Variants in PHACTR4 observed in about 807,000 individuals in gnomAD.
The protein encoded by PHACTR4 is protein phosphatase 1, regulatory subunit 124.
PHACTR4 carries 51 observed loss-of-function variants against 72.7 expected under a neutral mutation model. That is an observed-to-expected ratio of 0.70 (90% confidence interval 0.56 to 0.89). The LOEUF (loss-of-function observed/expected upper bound fraction) is 0.89. Ranked by LOEUF, PHACTR4 falls within the 40% of genes least tolerant of loss-of-function variation. The pLI is 0.00. For synonymous variants in PHACTR4, 255 were observed against 302.5 expected, an observed-to-expected ratio of 0.84 and a Z score of 1.63; for missense variants, 731 against 861.8, an observed-to-expected ratio of 0.85 and a Z score of 1.90.
At chr1:28,446,942 C>T (rs904540060) in intron 2 of PHACTR4, among the ~76,000 whole-genome samples, 19 of 152,092 alleles carry the variant, frequency 1.2e-4, no homozygotes, top group Admixed American at 6.6e-4. Context: ...ATACAGACTG[C>T]AGAAACATGA....
chr1:28,474,241 C>G, intron 7 of PHACTR4, 90 bp downstream of exon 7: 1 of 1,256,510 alleles, frequency 8.0e-7, no homozygotes, highest in Non-Finnish European at 1.1e-6. Context: ...AAATGTGGGC[C>G]GGGCCTAGTG....
At chr1:28,404,563 G>C (rs936961609) in intron 1 of PHACTR4, among the ~76,000 whole-genome samples, 1 of 151,290 alleles carries the variant, frequency 6.6e-6, no homozygotes, top group South Asian at 2.1e-4. Flanking sequence ...GATTACAGGC[G>C]TGAGCCACCG....
At chr1:28,377,478 G>C (rs995099353) in intron 1 of PHACTR4, among the ~76,000 whole-genome samples, 2 of 151,350 alleles carry the variant, frequency 1.3e-5, no homozygotes, top group African/African-American at 4.9e-5. Context: ...GACCTCAAGT[G>C]ATCCGCCCGC....
intron 1 of PHACTR4, among the ~76,000 whole-genome samples, chr1:28,400,172 A>G (rs369534348): frequency 1.3e-5 from 2 of 152,278 alleles, no homozygotes; most frequent in Admixed American, 6.5e-5. Context: ...CAGGAGTTCA[A>G]GACCAGCCTG....
intron 1 of PHACTR4, among the ~76,000 whole-genome samples, chr1:28,388,590 G>A (rs1652758083): frequency 1.3e-5 from 2 of 152,170 alleles, no homozygotes; most frequent in South Asian, 2.1e-4. Context: ...GGTGGCTCAC[G>A]CCTGTAATCC....
intron 12 of PHACTR4, 25 bp downstream of exon 12, chr1:28,491,812 TTTTTTCTCTTTCTC>T: frequency 6.2e-7 from 1 of 1,600,918 alleles, no homozygotes; most frequent in Non-Finnish European, 8.5e-7. Flanking sequence ...CTCTCTTGCT[TTTTTTCTCTTTCTC>T]TTTTTCTCTT....
At chr1:28,410,938 C>T (rs1654741313) in intron 2 of PHACTR4, among the ~76,000 whole-genome samples, 1 of 151,906 alleles carries the variant, frequency 6.6e-6, no homozygotes, top group African/African-American at 2.4e-5. Context: ...AACTCCTGAC[C>T]TCAGGTGATC....
chr1:28,410,493 TATCA>T (rs1157643075), intron 2 of PHACTR4, among the ~76,000 whole-genome samples: 1 of 152,162 alleles, frequency 6.6e-6, no homozygotes, highest in Non-Finnish European at 1.5e-5. Flanking sequence ...AATATAATCT[TATCA>T]ATCAAATTTA....
intron 6 of PHACTR4, among the ~76,000 whole-genome samples, chr1:28,468,941 G>A (rs1015834099): frequency 1.3e-5 from 2 of 152,076 alleles, no homozygotes; most frequent in African/African-American, 2.4e-5. Flanking sequence ...TGATACCCTG[G>A]ACTAAACTGC....
At position 28,491,812 on chromosome 1, in the gene PHACTR4, T is replaced by TTTTCTCTCTTTCTC. The variant is rs1661056798; in HGVS notation, c.2016+28_2016+29insCTCTCTTTCTCTTT. ...GGTACCTGGAAAGCACTCTCTTGCTTTTTTTCTCTTTCTCTTTTTCTCTTT... is the reference window on the plus strand; with the variant it reads ...GGTACCTGGAAAGCACTCTCTTGCTTTTTCTCTCTTTCTCTTTTTCTCTTTCTCTTTTTCTCTTT... On this transcript the variant is annotated intron_variant, in intron 12 of 13. Coordinates refer to ENST00000373839, the MANE Select transcript of PHACTR4 (RefSeq NM_001048183.3). 3 of 1,600,918 alleles carry TTTTCTCTCTTTCTC rather than the reference T, an allele frequency of 1.9e-6. No homozygotes were observed. The African/African-American group carries it at 4.0e-5, about 22-fold the overall frequency.
intron 2 of PHACTR4, among the ~76,000 whole-genome samples, chr1:28,407,982 T>C (rs1654478652): frequency 6.6e-6 from 1 of 151,922 alleles, no homozygotes; most frequent in African/African-American, 2.4e-5. Flanking sequence ...TAGCTGGGCA[T>C]GGTGGCACAC....
chr1:28,446,984 C>T (rs147807335), intron 2 of PHACTR4, among the ~76,000 whole-genome samples: 1,601 of 150,200 alleles, frequency 0.011, 26 homozygotes, highest in African/African-American at 0.038. Flanking sequence ...TATAAATTAC[C>T]CAGTCTCAGG....
intron 1 of PHACTR4, among the ~76,000 whole-genome samples, chr1:28,375,852 C>T (rs1360689667): frequency 6.6e-6 from 1 of 152,060 alleles, no homozygotes; most frequent in African/African-American, 2.4e-5. Context: ...GGTGGATCAC[C>T]CGAGGTCCAG....
chr1:28,445,984 C>T (rs1227950149), intron 2 of PHACTR4, among the ~76,000 whole-genome samples: 1 of 151,670 alleles, frequency 6.6e-6, no homozygotes, highest in Non-Finnish European at 1.5e-5. Flanking sequence ...AACATAGCTA[C>T]ATAACAACAA....
At chr1:28,403,360 A>G (rs1271404696) in intron 1 of PHACTR4, among the ~76,000 whole-genome samples, 3 of 152,066 alleles carry the variant, frequency 2.0e-5, no homozygotes, top group Non-Finnish European at 4.4e-5. Flanking sequence ...CCTGGTCTTG[A>G]TTGGATGTGG....
chr1:28,371,276 CTATT>C (rs1350529100), intron 1 of PHACTR4, among the ~76,000 whole-genome samples: 9 of 152,092 alleles, frequency 5.9e-5, no homozygotes, highest in African/African-American at 2.2e-4. Context: ...CTGTGCCCGA[CTATT>C]TAATTTAATT....
At chr1:28,407,063 G>A (rs1474954107) in intron 1 of PHACTR4, among the ~76,000 whole-genome samples, 1 of 151,932 alleles carries the variant, frequency 6.6e-6, no homozygotes, top group Non-Finnish European at 1.5e-5. Context: ...TATATTTTAA[G>A]ACAAAAATTA....
intron 4 of PHACTR4, among the ~76,000 whole-genome samples, chr1:28,465,294 CA>C (rs1208250255): frequency 6.6e-6 from 1 of 151,948 alleles, no homozygotes; most frequent in Non-Finnish European, 1.5e-5. Flanking sequence ...ACCCCGTCTC[CA>C]CTAAAAAATA....
intron 2 of PHACTR4, among the ~76,000 whole-genome samples, chr1:28,441,510 A>G (rs1289080690): frequency 6.6e-6 from 1 of 152,236 alleles, no homozygotes; most frequent in Non-Finnish European, 1.5e-5. Flanking sequence ...AATTTATGAG[A>G]TGTTATAACC....
Sources: allele counts gnomAD v4.1 joint callset (sites outside exome capture counted in the v4.1 genomes callset), GRCh38; gene constraint gnomAD v4.1.1; transcripts MANE v1.5; gene names NCBI Gene and HGNC (gene_info 2026-07-23, HGNC 2026-07-21).